TMEM245: variants seen among roughly 807,000 people sequenced by gnomAD.
TMEM245 encodes the protein transmembrane protein 245, also known as protein CG-2.
TMEM245 carries 69 observed loss-of-function variants against 101.2 expected under a neutral mutation model. The ratio of observed to expected loss-of-function variants is 0.68; its 90% CI spans 0.56 to 0.83. The LOEUF is 0.83. TMEM245 is among the 40% of genes least tolerant of loss of function. The pLI, the probability that TMEM245 is intolerant of heterozygous loss-of-function variation, is 0.00. For synonymous variants in TMEM245, 537 were observed against 449.8 expected, an observed-to-expected ratio of 1.19 and a Z score of -2.45; for missense variants, 1,075 against 1,092.8, an observed-to-expected ratio of 0.98 and a Z score of 0.23.
At chr9:109,044,726 T>G (rs1026431942) in intron 14 of TMEM245, among the ~76,000 whole-genome samples, 1 of 152,068 alleles carries the variant, frequency 6.6e-6, no homozygotes, top group African/African-American at 2.4e-5. Flanking sequence ...ATAGGGGTAA[T>G]TGGCATATCC....
In TMEM245 at chr9:109,064,332, G is replaced by C. The variant is rs1829100565; in HGVS notation, c.1623+145C>G. 2.9e-5 allele frequency: 20 copies of C among 691,434 alleles called. No homozygotes were observed. In the South Asian group the frequency reaches 3.6e-4, roughly 12 times the overall value. 42.8% of individuals were successfully genotyped at this position (691,434 alleles called of 1,614,324 possible). A position where few individuals can be genotyped will look rare whatever the true frequency, so the allele number is the denominator to read the frequency against. On this transcript the variant is annotated intron_variant, in intron 10 of 17. Coordinates refer to ENST00000374586, the MANE Select transcript of TMEM245 (RefSeq NM_032012.4). ...CCCTATTCAATGTGATCTTTCAAAA[G>C]ATTTCATTGTATGTTGCTTACCTGT... is the stretch of plus-strand genomic sequence containing the variant.
intron 1 of TMEM245, 81 bp downstream of exon 1, chr9:109,119,254 C>G (rs1830821989): frequency 1.5e-6 from 2 of 1,368,326 alleles, no homozygotes; most frequent in African/African-American, 3.0e-5. Context: ...CGCCCCTGCA[C>G]CGGGAGGAAC....
intron 7 of TMEM245, among the ~76,000 whole-genome samples, chr9:109,083,919 A>AAAAAAAAC (rs1829754372): frequency 7.0e-6 from 1 of 142,806 alleles, no homozygotes; most frequent in Non-Finnish European, 1.5e-5. Flanking sequence ...AAAAAAAAAA[A>AAAAAAAAC]AAAAAAAAAA....
At chr9:109,091,512 T>C (rs1487613752) in intron 4 of TMEM245, among the ~76,000 whole-genome samples, 1 of 152,260 alleles carries the variant, frequency 6.6e-6, no homozygotes, top group Non-Finnish European at 1.5e-5. Flanking sequence ...AATTTCTATA[T>C]TTAAAAATCC....
chr9:109,035,646 A>T lies in TMEM245; in HGVS notation c.2399+560T>A, dbSNP rs141317881. Among the ~76,000 whole-genome samples, 325 of 152,328 alleles carry T rather than the reference A, an allele frequency of 2.1e-3. 3 individuals carry two copies. Among genetic ancestry groups the T allele is most frequent in the African/African-American group, 7.2e-3 (300 of 41,572 alleles). On this transcript the variant is annotated intron_variant, in intron 16 of 17. Coordinates refer to ENST00000374586, the MANE Select transcript of TMEM245 (RefSeq NM_032012.4). ...AAAATAATCATTAACTGTTCACTGT[A>T]CTTAAAATATTTGATGTACATCTGG...
At chr9:109,086,792 C>T (rs1161142177) in intron 6 of TMEM245, among the ~76,000 whole-genome samples, 1 of 152,132 alleles carries the variant, frequency 6.6e-6, no homozygotes, top group African/African-American at 2.4e-5. Flanking sequence ...TCTGATTTTC[C>T]GTAGGACTTA....
intron 1 of TMEM245, among the ~76,000 whole-genome samples, chr9:109,111,363 G>A (rs1454263754): frequency 6.6e-6 from 1 of 152,122 alleles, no homozygotes; most frequent in African/African-American, 2.4e-5. Flanking sequence ...TGAACTGGAG[G>A]TCACAATTTA....
At chr9:109,106,670 A>T in intron 2 of TMEM245, 61 bp from the exon 3 acceptor site, 1 of 1,297,362 alleles carries the variant, frequency 7.7e-7, no homozygotes, top group Non-Finnish European at 1.1e-6. Flanking sequence ...TGTTTTTACA[A>T]AACTCAGTTT....
intron 9 of TMEM245, among the ~76,000 whole-genome samples, chr9:109,072,921 T>C (rs752661473): frequency 6.6e-6 from 1 of 152,202 alleles, no homozygotes; most frequent in East Asian, 1.9e-4. Flanking sequence ...GTGGAAACTT[T>C]CCTTCAGTTG....
At chr9:109,062,746 G>C (rs975543888) in intron 10 of TMEM245, among the ~76,000 whole-genome samples, 1 of 152,184 alleles carries the variant, frequency 6.6e-6, no homozygotes, top group Non-Finnish European at 1.5e-5. Flanking sequence ...CATGGTGGAA[G>C]GATTGCGTAA....
At chr9:109,057,929 T>C (rs928194538) in intron 11 of TMEM245, among the ~76,000 whole-genome samples, 40 of 151,254 alleles carry the variant, frequency 2.6e-4, no homozygotes, top group African/African-American at 8.2e-4. Context: ...TACTTTCTTT[T>C]TTTTTTTTTT....
At chr9:109,059,141 T>C (rs1828933940) in intron 11 of TMEM245, among the ~76,000 whole-genome samples, 3 of 152,156 alleles carry the variant, frequency 2.0e-5, no homozygotes, top group Admixed American at 1.3e-4. Flanking sequence ...GAAATAGATA[T>C]ACCTTTCTAA....
chr9:109,110,881 T>C (rs939386189), intron 1 of TMEM245, among the ~76,000 whole-genome samples: 12 of 152,106 alleles, frequency 7.9e-5, no homozygotes, highest in Admixed American at 5.9e-4. Context: ...AAAGAGAACA[T>C]CTGAACCACT....
intron 14 of TMEM245, among the ~76,000 whole-genome samples, chr9:109,041,511 T>C (rs781119418): frequency 9.3e-4 from 124 of 133,354 alleles, no homozygotes; most frequent in Admixed American, 1.6e-3. Flanking sequence ...TCACCCAGGC[T>C]GGAGTGCAAT....
chr9:109,060,224 G>A (rs1332024123), intron 11 of TMEM245, 130 bp downstream of exon 11: 1 of 659,404 alleles, frequency 1.5e-6, no homozygotes, highest in Admixed American at 3.1e-5. Flanking sequence ...AGTGACCTGA[G>A]GCTTAAGGTT....
chr9:109,105,359 T>C (rs528046617), intron 3 of TMEM245, among the ~76,000 whole-genome samples: 1 of 152,304 alleles, frequency 6.6e-6, no homozygotes, highest in African/African-American at 2.4e-5. Context: ...ATAATAGGTG[T>C]TGGCAAGGAT....
chr9:109,096,272 T>C (rs1830137091), intron 3 of TMEM245, among the ~76,000 whole-genome samples: 1 of 151,604 alleles, frequency 6.6e-6, no homozygotes, highest in African/African-American at 2.4e-5. Context: ...AGGCCAGGAG[T>C]TCGAGACCAG....
At chr9:109,037,315 G>A (rs1239729913) in intron 15 of TMEM245, among the ~76,000 whole-genome samples, 1 of 152,132 alleles carries the variant, frequency 6.6e-6, no homozygotes, top group Non-Finnish European at 1.5e-5. Context: ...CAATTCAAAC[G>A]TTACTGAGAG....
intron 14 of TMEM245, among the ~76,000 whole-genome samples, chr9:109,047,708 T>C (rs1338579429): frequency 6.6e-6 from 1 of 152,214 alleles, no homozygotes; most frequent in East Asian, 1.9e-4. Flanking sequence ...AACATTTTTC[T>C]AAGAATAAGA....
Sources: gnomAD v4.1 joint callset for allele counts (sites outside exome capture counted in the v4.1 genomes callset) on GRCh38, gnomAD v4.1.1 for gene constraint, MANE v1.5 for transcripts, NCBI Gene and HGNC (gene_info 2026-07-23, HGNC 2026-07-21) for gene names.